Variants in MYO1E observed in about 807,000 individuals in gnomAD.
The protein encoded by MYO1E is myosin IE.
Under a neutral mutation model 151.1 loss-of-function variants are expected in MYO1E, and 68 were observed. The ratio of observed to expected loss-of-function variants is 0.45; its 90% CI spans 0.37 to 0.55. The LOEUF (loss-of-function observed/expected upper bound fraction) is 0.55, where lower values mean the gene tolerates loss of function less well. Among genes scored for constraint, MYO1E ranks in the 20% least tolerant of loss-of-function variants. MYO1E has a pLI of 0.00. For missense variants in MYO1E, 1,363 were observed against 1,389.3 expected, an observed-to-expected ratio of 0.98 and a Z score of 0.30; for synonymous variants, 601 against 501.7, an observed-to-expected ratio of 1.20 and a Z score of -2.64.
chr15:59,186,711 C>T (rs781605565), intron 18 of MYO1E, among the ~76,000 whole-genome samples: 1 of 152,178 alleles, frequency 6.6e-6, no homozygotes, highest in Non-Finnish European at 1.5e-5. Context: ...ATGATTGCAC[C>T]ACTGCACTCC....
chr15:59,234,170 C>T (rs1420512395), intron 5 of MYO1E, among the ~76,000 whole-genome samples: 1 of 152,102 alleles, frequency 6.6e-6, no homozygotes, highest in Admixed American at 6.6e-5. Context: ...CCCTGATATG[C>T]TCACCACATG....
intron 4 of MYO1E, among the ~76,000 whole-genome samples, chr15:59,238,313 T>A (rs543606554): frequency 6.6e-6 from 1 of 152,304 alleles, no homozygotes; most frequent in South Asian, 2.1e-4. Context: ...ATTTTAGAAG[T>A]TGTAAACAAT....
rs1390379181 is a variant in MYO1E at position 59,179,330 on chromosome 15, T to C, written c.1905-793A>G. Among the ~76,000 whole-genome samples, 13 of 152,322 alleles carry C rather than the reference T, an allele frequency of 8.5e-5. 1 individual carries two copies. Among genetic ancestry groups the C allele is most frequent in the African/African-American group, 2.9e-4 (12 of 41,572 alleles). Reference sequence around the variant, plus strand: ...TTTTCCTTCAGAGCATGTACTCTAATTGGTAGTTATATTCACGGTGGTGTT... The same window carrying C: ...TTTTCCTTCAGAGCATGTACTCTAACTGGTAGTTATATTCACGGTGGTGTT... On this transcript the variant is annotated intron_variant, in intron 18 of 27. Transcript: ENST00000288235.
chr15:59,365,907 T>C (rs1051109096), intron 1 of MYO1E, among the ~76,000 whole-genome samples: 4 of 152,146 alleles, frequency 2.6e-5, no homozygotes, highest in Non-Finnish European at 4.4e-5. Flanking sequence ...TGGTGAGTAA[T>C]AGGAATGATC....
At chr15:59,296,522 C>T (rs999807612) in intron 1 of MYO1E, among the ~76,000 whole-genome samples, 6 of 152,182 alleles carry the variant, frequency 3.9e-5, no homozygotes, top group African/African-American at 1.4e-4. Context: ...GAGAACAGCT[C>T]ATTTGCCCAG....
chr15:59,154,178 C>T (rs1171272974), intron 25 of MYO1E, among the ~76,000 whole-genome samples: 5 of 152,178 alleles, frequency 3.3e-5, no homozygotes, highest in African/African-American at 4.8e-5. Flanking sequence ...GGCTGGGAGA[C>T]ACCTTCTTGG....
chr15:59,264,345 C>A (rs145059607), intron 2 of MYO1E, among the ~76,000 whole-genome samples: 1 of 152,294 alleles, frequency 6.6e-6, no homozygotes, highest in African/African-American at 2.4e-5. Flanking sequence ...CAGTCTGGAT[C>A]CCACGCCCAT....
intron 12 of MYO1E, 115 bp downstream of exon 12, chr15:59,214,113 G>A (rs1250557806): frequency 2.6e-6 from 2 of 780,966 alleles, no homozygotes; most frequent in Non-Finnish European, 4.1e-6. Context: ...TTTATTAGAT[G>A]CATTTCCTAA....
rs774632115 is a variant in MYO1E, at chr15:59,214,303, A to G, written c.1200T>C (p.Phe400=). 2.5e-6 allele frequency: 4 copies of G among 1,610,822 alleles called. No individual in the cohort carries two copies. The highest frequency in any genetic ancestry group is 8.5e-7 in the Non-Finnish European group (1 of 1,178,522). ...TAACAAAATTGATACAAAACTGTTC[A>G]AAGCCATTTTTCTGGAAAAAAAAAG... ...YGFEIFQKNG[F]EQFCINFVNE... Residue 400 remains phenylalanine (F), a synonymous_variant, in exon 12 of 28, where the codon TTT becomes TTC. Transcript: ENST00000288235.
chr15:59,229,931 CAATAT>C (rs1348946723), intron 6 of MYO1E, among the ~76,000 whole-genome samples: 1 of 150,912 alleles, frequency 6.6e-6, no homozygotes, highest in Non-Finnish European at 1.5e-5. Context: ...TTTAATTTAA[CAATAT>C]ATTATGAATA....
intron 18 of MYO1E, among the ~76,000 whole-genome samples, chr15:59,179,607 G>A (rs2079646347): frequency 6.6e-6 from 1 of 152,188 alleles, no homozygotes. Flanking sequence ...TGCAGAGTAG[G>A]AGACAGAGGC....
intron 9 of MYO1E, among the ~76,000 whole-genome samples, chr15:59,219,035 G>T (rs1161517421): frequency 6.6e-6 from 1 of 152,092 alleles, no homozygotes; most frequent in African/African-American, 2.4e-5. Flanking sequence ...AATAAAGAGG[G>T]GCATTATAAG....
At chr15:59,268,638 C>T (rs563907640) in intron 2 of MYO1E, among the ~76,000 whole-genome samples, 1 of 145,072 alleles carries the variant, frequency 6.9e-6, no homozygotes, top group Non-Finnish European at 1.5e-5. Flanking sequence ...ATATGCATGG[C>T]CATATGTGGT....
intron 16 of MYO1E, among the ~76,000 whole-genome samples, chr15:59,201,883 A>T (rs142230643): frequency 2.5e-4 from 38 of 152,322 alleles, no homozygotes; most frequent in African/African-American, 8.9e-4. Flanking sequence ...GGACCCAGTG[A>T]GGAGGGATGC....
In MYO1E at chr15:59,141,904, G is replaced by A. The variant is rs536893796; in HGVS notation, c.3081-3537C>T. ...GGGTGGATCATGAGGTCAGGAGATA[G>A]AGACCATCCTGGCTAACACGGTGAA... On this transcript the variant is annotated intron_variant, in intron 26 of 27. Coordinates refer to ENST00000288235, the MANE Select transcript of MYO1E (RefSeq NM_004998.4). Among the ~76,000 whole-genome samples, 56 of 151,396 alleles carry A rather than the reference G, an allele frequency of 3.7e-4. No individual in the cohort carries two copies. In the South Asian group the frequency reaches 7.5e-3, roughly 20 times the overall value.
intron 1 of MYO1E, among the ~76,000 whole-genome samples, chr15:59,311,101 G>A (rs758595132): frequency 3.3e-4 from 50 of 152,232 alleles, no homozygotes; most frequent in African/African-American, 1.0e-3. Flanking sequence ...AACAGGCATG[G>A]TCAAGGCAAC....
At chr15:59,241,369 C>T (rs752872515) in intron 4 of MYO1E, among the ~76,000 whole-genome samples, 6 of 152,118 alleles carry the variant, frequency 3.9e-5, no homozygotes, top group East Asian at 1.9e-4. Flanking sequence ...ACAAAAGAAA[C>T]AACAACTATA....
In MYO1E at chr15:59,335,502, A is replaced by T. The variant is rs140227447; in HGVS notation, c.3+36996T>A. 1.1e-4 allele frequency among the ~76,000 whole-genome samples: 17 copies of T among 148,444 alleles called. No homozygotes were observed. The East Asian group carries it at 1.6e-3, about 14-fold the overall frequency. On this transcript the variant is annotated intron_variant, in intron 1 of 27. Transcript: ENST00000288235. ...CAATAAATCTGTGCCGAATATGAAT[A>T]AAAAAAAAACCCACTTGGTTCTACC...
At chr15:59,328,853 G>A (rs1317739763) in intron 1 of MYO1E, among the ~76,000 whole-genome samples, 1 of 152,156 alleles carries the variant, frequency 6.6e-6, no homozygotes, top group Non-Finnish European at 1.5e-5. Context: ...AGAAAACTAA[G>A]GCAGGGGTGT....
Sources: gnomAD v4.1 joint callset for allele counts (sites outside exome capture counted in the v4.1 genomes callset) on GRCh38, gnomAD v4.1.1 for gene constraint, MANE v1.5 for transcripts, NCBI Gene and HGNC (gene_info 2026-07-23, HGNC 2026-07-21) for gene names.